The following OGG1 variants were observed in gnomAD, a reference collection of about 807,000 sequenced individuals.
The protein encoded by OGG1 is 8-oxoguanine DNA glycosylase, also known as N-glycosylase/DNA lyase.
OGG1 carries 35 observed loss-of-function variants against 42.3 expected under a neutral mutation model. That is an observed-to-expected ratio of 0.83 (90% confidence interval 0.63 to 1.10). The LOEUF (loss-of-function observed/expected upper bound fraction) is 1.10. Among genes scored for constraint, OGG1 ranks in the 50% least tolerant of loss-of-function variants. The pLI is 0.00. For synonymous variants in OGG1, 189 were observed against 179.0 expected (o/e 1.06, Z -0.44); for missense variants, 484 against 446.7 (o/e 1.08, Z -0.75).
At chr3:9,762,853 T>C (rs912512414) in intron 7 of OGG1, 1 of 1,555,262 alleles carries the variant, frequency 6.4e-7, no homozygotes, top group African/African-American at 1.4e-5. Context: ...TCAGACAGTT[T>C]GGGGTTTGCA....
At chr3:9,780,338 C>A (rs1367247085) in intron 2 of OGG1, 3 of 1,600,782 alleles carry the variant, frequency 1.9e-6, no homozygotes, top group South Asian at 1.1e-5. Context: ...AGATAATCAG[C>A]CTGAGGCAGG....
chr3:9,754,195 TCC>T (rs1300831711), intron 3 of OGG1, among the ~76,000 whole-genome samples: 1 of 152,154 alleles, frequency 6.6e-6, no homozygotes, highest in African/African-American at 2.4e-5. Flanking sequence ...AGATCTTATC[TCC>T]CCCATGTCCT....
chr3:9,763,369 A>G, intron 7 of OGG1: 1 of 276,018 alleles, frequency 3.6e-6, no homozygotes, highest in Non-Finnish European at 5.4e-6. Context: ...TAGCCACTGC[A>G]CTCCAGCCTG....
chr3:9,781,421 C>T (rs907222881), intron 2 of OGG1: 1 of 434,606 alleles, frequency 2.3e-6, no homozygotes, highest in African/African-American at 2.0e-5. Flanking sequence ...GAAAATGAGG[C>T]TCAAAGATGA....
chr3:9,756,653 G>A, intron 5 of OGG1, 32 bp downstream of exon 5: 1 of 1,612,328 alleles, frequency 6.2e-7, no homozygotes, highest in Non-Finnish European at 8.5e-7. Flanking sequence ...GGCTGGCAGT[G>A]GGCTGGGATG....
downstream of OGG1, chr3:9,760,764 A>T (rs2077822299): frequency 1.2e-6 from 2 of 1,614,034 alleles, no homozygotes; most frequent in Non-Finnish European, 1.7e-6. Context: ...GGGTAACCGC[A>T]GAGCCTGGGC....
exon 4 of OGG1, chr3:9,788,088 C>T (rs748769018): frequency 3.6e-5 from 8 of 224,460 alleles, no homozygotes; most frequent in African/African-American, 9.0e-5. Context: ...CTGTAGATAA[C>T]GGGAGGAAGA....
chr3:9,756,404 G>A, intron 4 of OGG1, 67 bp from the exon 5 acceptor site: 3 of 1,559,228 alleles, frequency 1.9e-6, no homozygotes, highest in Non-Finnish European at 2.7e-6. Flanking sequence ...CGGCTTTGGG[G>A]CTATAAGCAA....
downstream of OGG1, among the ~76,000 whole-genome samples, chr3:9,769,420 G>A (rs1024502943): frequency 1.3e-5 from 2 of 152,024 alleles, no homozygotes; most frequent in African/African-American, 4.8e-5. Flanking sequence ...AAGACCCTGA[G>A]AGCCAAATAC....
chr3:9,787,393 CTTCA>C, intron 3 of OGG1: 5 of 1,547,066 alleles, frequency 3.2e-6, no homozygotes, highest in South Asian at 1.3e-5. Context: ...GCCAGCCATG[CTTCA>C]TTCATTCATT....
chr3:9,751,702 C>G, intron 2 of OGG1, 68 bp from the exon 3 acceptor site: 1 of 1,464,006 alleles, frequency 6.8e-7, no homozygotes, highest in East Asian at 2.3e-5. Flanking sequence ...AGGATCTGAC[C>G]TGTGGGTGGG....
rs1254935585 is a variant in OGG1, at chr3:9,754,902, TAGG to T, written c.747+20_747+22del. 1 of 1,567,744 alleles carries T rather than the reference TAGG, an allele frequency of 6.4e-7. No homozygotes were observed. Among genetic ancestry groups the T allele is most frequent in the Non-Finnish European group, 8.7e-7 (1 of 1,154,994 alleles). The stretch of plus-strand genomic sequence containing the variant: ...GGCACCAAGGTGAGGCCCCAGGGGG[TAGG>T]AGCTGCCCTCTCTACTGACACTAAG... On this transcript the variant is annotated intron_variant, in intron 4 of 6. Transcript: ENST00000344629.
At chr3:9,757,848 T>TGGCATTGAA, downstream of OGG1, 4 of 1,603,232 alleles carry the variant, frequency 2.5e-6, no homozygotes, top group South Asian at 3.3e-5. The surrounding 1 kb of genome is among the most constrained non-coding windows in gnomAD (Gnocchi z 4.5). Flanking sequence ...GAAGGCTTGC[T>TGGCATTGAA]GGCATTGAAG....
intron 3 of OGG1, among the ~76,000 whole-genome samples, chr3:9,752,297 A>C (rs1182188588): frequency 6.6e-6 from 1 of 152,146 alleles, no homozygotes; most frequent in East Asian, 1.9e-4. Flanking sequence ...GCATCTCTGT[A>C]CTAAAGTTTC....
chr3:9,760,983 C>T (rs2077837137), downstream of OGG1: 1 of 597,794 alleles, frequency 1.7e-6, no homozygotes. Flanking sequence ...GGCCTTTGCA[C>T]TTGCCATTGC....
At chr3:9,756,880 C>T in intron 6 of OGG1, 64 bp downstream of exon 6, 1 of 1,612,442 alleles carries the variant, frequency 6.2e-7, no homozygotes, top group Non-Finnish European at 8.5e-7. Flanking sequence ...GTGGACTCTT[C>T]CACCACCGCC....
At chr3:9,754,984 G>T in intron 4 of OGG1, 99 bp downstream of exon 4, 1 of 986,950 alleles carries the variant, frequency 1.0e-6, no homozygotes. Context: ...TTGGCTTCCG[G>T]AGGCAGAGCA....
chr3:9,772,581 T>A (rs1205496741), intron 2 of OGG1, among the ~76,000 whole-genome samples: 1 of 152,180 alleles, frequency 6.6e-6, no homozygotes, highest in Non-Finnish European at 1.5e-5. Flanking sequence ...AGCCCCAGCT[T>A]TCCAATTAAA....
At chr3:9,790,642 G>A (rs1323381536), downstream of OGG1, among the ~76,000 whole-genome samples, 1 of 152,232 alleles carries the variant, frequency 6.6e-6, no homozygotes, top group Non-Finnish European at 1.5e-5. Flanking sequence ...AAAGTCATCA[G>A]AGTAGCAAAT....
Sources: allele counts gnomAD v4.1 joint callset (sites outside exome capture counted in the v4.1 genomes callset), GRCh38; gene constraint gnomAD v4.1.1; non-coding constraint Gnocchi (gnomAD v3.1); transcripts MANE v1.5; gene names NCBI Gene and HGNC (gene_info 2026-07-23, HGNC 2026-07-21).